The following NTM variants were observed in gnomAD, a reference collection of about 807,000 sequenced individuals.
NTM encodes the protein neurotrimin.
In NTM, 13 loss-of-function variants were observed where a neutral mutation model predicts 42.1. The observed-to-expected ratio is 0.31, with a 90% CI of 0.20 to 0.49. NTM has a LOEUF of 0.49. Ranked by LOEUF, NTM falls within the 20% of genes least tolerant of loss-of-function variation. The pLI is 0.99. For synonymous variants in NTM, 187 were observed against 179.2 expected, an observed-to-expected ratio of 1.04 and a Z score of -0.35; for missense variants, 373 against 452.8, an observed-to-expected ratio of 0.82 and a Z score of 1.60.
intron 1 of NTM, chr11:131,537,787 C>T (rs1166113465): frequency 1.3e-5 from 2 of 152,480 alleles, no homozygotes; most frequent in Admixed American, 1.3e-4. Flanking sequence ...TTGTTTCTAC[C>T]TCCTTCCAGT....
chr11:131,960,199 T>A (rs138208376), intron 2 of NTM, among the ~76,000 whole-genome samples: 46 of 152,250 alleles, frequency 3.0e-4, no homozygotes, highest in African/African-American at 1.1e-3. Context: ...AGCTCGAGGG[T>A]GTTCATGGTG....
intron 1 of NTM, among the ~76,000 whole-genome samples, chr11:131,505,577 C>T (rs1163865997): frequency 6.6e-6 from 1 of 152,182 alleles, no homozygotes; most frequent in African/African-American, 2.4e-5. Context: ...ATAATTTGTC[C>T]TGGATCACAC....
intron 1 of NTM, among the ~76,000 whole-genome samples, chr11:131,576,031 T>C (rs988523810): frequency 2.0e-5 from 3 of 152,172 alleles, no homozygotes; most frequent in Non-Finnish European, 2.9e-5. Flanking sequence ...AATAGAAATA[T>C]ATATGTCGGC....
chr11:131,819,845 C>T (rs1470442606), intron 1 of NTM, among the ~76,000 whole-genome samples: 1 of 152,152 alleles, frequency 6.6e-6, no homozygotes, highest in Non-Finnish European at 1.5e-5. Context: ...ATGAGAGCAG[C>T]AGCACCCTGT....
chr11:132,050,051 T>C (rs2078632655), intron 2 of NTM, among the ~76,000 whole-genome samples: 1 of 152,046 alleles, frequency 6.6e-6, no homozygotes, highest in African/African-American at 2.4e-5. Context: ...CAAAAGGCAG[T>C]CGGAAATTTG....
intron 1 of NTM, among the ~76,000 whole-genome samples, chr11:131,842,604 C>G (rs781587290): frequency 6.6e-6 from 1 of 152,270 alleles, no homozygotes; most frequent in East Asian, 1.9e-4. Context: ...AAATCTTGAA[C>G]TGACCTTTTT....
chr11:132,153,892 T>C (rs911428475), intron 3 of NTM, among the ~76,000 whole-genome samples: 2 of 152,174 alleles, frequency 1.3e-5, no homozygotes, highest in African/African-American at 4.8e-5. Flanking sequence ...TATGAATACA[T>C]TGAAATGGAG....
intron 1 of NTM, chr11:131,910,775 C>A: frequency 1.0e-6 from 1 of 952,378 alleles, no homozygotes; most frequent in Non-Finnish European, 1.2e-6. Flanking sequence ...CCCTCCTCGG[C>A]CACCGCCGCA....
chr11:132,184,918 T>C (rs1246242362), intron 3 of NTM, among the ~76,000 whole-genome samples: 2 of 152,176 alleles, frequency 1.3e-5, no homozygotes, highest in African/African-American at 4.8e-5. Flanking sequence ...GGCCTTCTGC[T>C]TTCAGCTTAC....
At chr11:132,267,316 G>A (rs374012154) in intron 4 of NTM, among the ~76,000 whole-genome samples, 3 of 152,062 alleles carry the variant, frequency 2.0e-5, no homozygotes, top group South Asian at 2.1e-4. Context: ...AAACATCATC[G>A]GAAGACATGC....
At chr11:131,761,292 G>C (rs1005503942) in intron 1 of NTM, among the ~76,000 whole-genome samples, 4 of 152,072 alleles carry the variant, frequency 2.6e-5, no homozygotes, top group African/African-American at 9.7e-5. Context: ...GAAATTCAGA[G>C]GGCTGAAGTC....
At chr11:132,297,374 T>C (rs552117409) in intron 4 of NTM, among the ~76,000 whole-genome samples, 1 of 152,346 alleles carries the variant, frequency 6.6e-6, no homozygotes, top group East Asian at 1.9e-4. Flanking sequence ...GCTCTGCATC[T>C]GAGGATGCTG....
intron 1 of NTM, among the ~76,000 whole-genome samples, chr11:131,522,450 A>G (rs923318298): frequency 6.6e-6 from 1 of 152,076 alleles, no homozygotes; most frequent in East Asian, 1.9e-4. Flanking sequence ...ATCTTTACTG[A>G]TATGTATTTC....
At chr11:132,134,757 A>ATCTATCTATCTATC in intron 2 of NTM, among the ~76,000 whole-genome samples, 1 of 97,326 alleles carries the variant, frequency 1.0e-5, no homozygotes, top group East Asian at 4.3e-4. Context: ...ATATATATAT[A>ATCTATCTATCTATC]TATCTCACAT....
At chr11:132,023,175 G>T (rs1392389780) in intron 2 of NTM, among the ~76,000 whole-genome samples, 1 of 152,204 alleles carries the variant, frequency 6.6e-6, no homozygotes, top group Non-Finnish European at 1.5e-5. Flanking sequence ...TGCCGCCTGG[G>T]CATGTTATAT....
chr11:131,670,320 CCTTTCTTTCTTT>C (rs113552382), intron 1 of NTM, among the ~76,000 whole-genome samples: 1 of 151,896 alleles, frequency 6.6e-6, no homozygotes, highest in Non-Finnish European at 1.5e-5. Context: ...TCAAATCTTT[CCTTTCTTTCTTT>C]CTTTCTTTCT....
intron 1 of NTM, among the ~76,000 whole-genome samples, chr11:131,641,077 A>G (rs748879987): frequency 2.0e-5 from 3 of 152,194 alleles, no homozygotes; most frequent in Admixed American, 6.5e-5. Context: ...CTCATTTGCT[A>G]CTTGAGGACA....
intron 1 of NTM, among the ~76,000 whole-genome samples, chr11:131,559,555 C>A (rs1224104468): frequency 2.0e-5 from 3 of 152,296 alleles, no homozygotes; most frequent in Admixed American, 6.5e-5. Context: ...AGGCAAAACA[C>A]ATAAAATAAT....
intron 1 of NTM, among the ~76,000 whole-genome samples, chr11:131,789,645 G>GAAGAAGAAGAA (rs2090515470): frequency 2.3e-5 from 3 of 128,244 alleles, no homozygotes; most frequent in Admixed American, 2.1e-4. Context: ...AAAAGAAGAA[G>GAAGAAGAAGAA]AAGAAGAAGA....
Sources: allele counts gnomAD v4.1 joint callset (sites outside exome capture counted in the v4.1 genomes callset), GRCh38; gene constraint gnomAD v4.1.1; transcripts MANE v1.5; gene names NCBI Gene and HGNC (gene_info 2026-07-23, HGNC 2026-07-21).